PTPRD: variants seen among roughly 807,000 people sequenced by gnomAD.
PTPRD encodes the protein receptor-type tyrosine-protein phosphatase delta.
PTPRD carries 34 observed loss-of-function variants against 214.5 expected under a neutral mutation model. The observed-to-expected ratio is 0.16, with a 90% confidence interval of 0.12 to 0.21. PTPRD has a LOEUF of 0.21. PTPRD is among the 10% of genes least tolerant of loss of function. The probability of loss-of-function intolerance (pLI) is 1.00; values close to 1 mark genes in which losing one functional copy is unlikely to be tolerated. For missense variants in PTPRD, 2,545 were observed against 2,398.7 expected (o/e 1.06, Z -1.27); for synonymous variants, 1,128 against 845.7 (o/e 1.33, Z -5.79).
chr9:10,313,203 C>T (rs910220245), intron 3 of PTPRD, among the ~76,000 whole-genome samples: 2 of 151,782 alleles, frequency 1.3e-5, no homozygotes, highest in African/African-American at 4.8e-5. Context: ...CAATTCAGTC[C>T]AGGAAACCAT....
chr9:9,471,492 A>T (rs2094582980), intron 8 of PTPRD, among the ~76,000 whole-genome samples: 1 of 152,148 alleles, frequency 6.6e-6, no homozygotes. Context: ...CATTTCAAAT[A>T]AAAAAATGCT....
At chr9:8,590,247 A>T (rs1488437795) in intron 14 of PTPRD, among the ~76,000 whole-genome samples, 1 of 152,190 alleles carries the variant, frequency 6.6e-6, no homozygotes, top group Admixed American at 6.5e-5. Flanking sequence ...GAAAAAATGA[A>T]TGAAGTTCTA....
chr9:8,452,424 C>T (rs989172111), intron 33 of PTPRD, among the ~76,000 whole-genome samples: 2 of 152,044 alleles, frequency 1.3e-5, no homozygotes, highest in East Asian at 1.9e-4. Flanking sequence ...AGTTTTAAAA[C>T]GTTGTCATAA....
At chr9:9,872,810 C>T (rs921361561) in intron 5 of PTPRD, among the ~76,000 whole-genome samples, 5 of 152,062 alleles carry the variant, frequency 3.3e-5, no homozygotes, top group African/African-American at 1.2e-4. Context: ...AATGAAAAAC[C>T]TTCAAGAGAA....
intron 5 of PTPRD, among the ~76,000 whole-genome samples, chr9:9,887,560 A>G (rs1436184635): frequency 6.6e-6 from 1 of 152,164 alleles, no homozygotes; most frequent in Non-Finnish European, 1.5e-5. Context: ...TAGATGTTAA[A>G]CTTCCCTGTG....
intron 10 of PTPRD, among the ~76,000 whole-genome samples, chr9:9,051,187 T>C (rs530550906): frequency 4.7e-4 from 71 of 152,152 alleles, no homozygotes; most frequent in African/African-American, 1.5e-3. Context: ...TAAAAAATCA[T>C]GTACACCACA....
At chr9:9,351,172 C>A (rs191112016) in intron 9 of PTPRD, among the ~76,000 whole-genome samples, 57 of 152,080 alleles carry the variant, frequency 3.7e-4, no homozygotes, top group South Asian at 2.5e-3. Flanking sequence ...TAACAAGAAA[C>A]CAAATGTACA....
chr9:10,046,284 T>C lies in PTPRD; in HGVS notation c.-544-12494A>G, dbSNP rs74428337. ...TCAGTTATCCATACAATTTTTAAGA[T>C]TTCCCTGGGTAAAACACAACTGCAT... is the stretch of plus-strand genomic sequence containing the variant. On this transcript the variant is annotated intron_variant, in intron 3 of 45. Coordinates refer to ENST00000381196, the MANE Select transcript of PTPRD (RefSeq NM_002839.4). Among the ~76,000 whole-genome samples the C allele has an allele frequency of 4.0e-3, 601 of 151,934 alleles. 5 individuals carry two copies. Among genetic ancestry groups the C allele is most frequent in the African/African-American group, 0.013 (558 of 41,548 alleles).
intron 3 of PTPRD, among the ~76,000 whole-genome samples, chr9:10,180,293 A>G (rs943406984): frequency 2.6e-5 from 4 of 152,058 alleles, no homozygotes; most frequent in Admixed American, 6.6e-5. Context: ...AAAAGAAACA[A>G]TATGTCCACA....
chr9:8,833,905 T>C (rs1307160750), intron 11 of PTPRD, among the ~76,000 whole-genome samples: 1 of 131,258 alleles, frequency 7.6e-6, no homozygotes, highest in Non-Finnish European at 1.7e-5. Context: ...AACCAACTTA[T>C]GGATAAATGT....
chr9:8,804,731 C>A (rs1050064614), intron 11 of PTPRD, among the ~76,000 whole-genome samples: 1 of 151,952 alleles, frequency 6.6e-6, no homozygotes, highest in Non-Finnish European at 1.5e-5. Flanking sequence ...TCTAGTTCCA[C>A]AGACCTTGAT....
At chr9:9,606,021 C>T (rs7044621) in intron 7 of PTPRD, among the ~76,000 whole-genome samples, 4 of 151,796 alleles carry the variant, frequency 2.6e-5, no homozygotes, top group African/African-American at 9.7e-5. Context: ...TGATACTACA[C>T]AAAATGCTTC....
intron 12 of PTPRD, among the ~76,000 whole-genome samples, chr9:8,679,971 A>G (rs2097519929): frequency 6.6e-6 from 1 of 152,238 alleles, no homozygotes; most frequent in South Asian, 2.1e-4. Context: ...TTGGCCAGAA[A>G]GCAAATTAAT....
chr9:9,306,051 G>C (rs1195823349), intron 9 of PTPRD, among the ~76,000 whole-genome samples: 3 of 152,138 alleles, frequency 2.0e-5, no homozygotes, highest in Non-Finnish European at 4.4e-5. Context: ...CATAACACCA[G>C]TACAGAGTAC....
chr9:10,009,894 G>A (rs370464931), intron 4 of PTPRD, among the ~76,000 whole-genome samples: 20 of 152,030 alleles, frequency 1.3e-4, no homozygotes, highest in African/African-American at 4.6e-4. Flanking sequence ...TAAGACCTCT[G>A]TTTTAATGGT....
At chr9:9,270,805 G>T (rs1942559501) in intron 9 of PTPRD, among the ~76,000 whole-genome samples, 1 of 151,288 alleles carries the variant, frequency 6.6e-6, no homozygotes, top group South Asian at 2.1e-4. Context: ...CAGCAGAAAA[G>T]GTGGAGAAAA....
At chr9:8,447,634 T>C (rs1209412649) in intron 34 of PTPRD, among the ~76,000 whole-genome samples, 2 of 152,162 alleles carry the variant, frequency 1.3e-5, no homozygotes, top group Admixed American at 1.3e-4. Flanking sequence ...ACAGTTCCCA[T>C]TCTTGCTTTG....
chr9:9,291,239 T>G (rs1951044183), intron 9 of PTPRD, among the ~76,000 whole-genome samples: 1 of 151,436 alleles, frequency 6.6e-6, no homozygotes, highest in Admixed American at 6.6e-5. Context: ...TGATTTTTCA[T>G]CATACAGTAT....
intron 2 of PTPRD, among the ~76,000 whole-genome samples, chr9:10,495,603 G>A (rs2041819715): frequency 6.6e-6 from 1 of 151,640 alleles, no homozygotes; most frequent in South Asian, 2.1e-4. Context: ...GTAAGTTTTG[G>A]CAGTTATATA....
Sources: allele counts gnomAD v4.1 joint callset (sites outside exome capture counted in the v4.1 genomes callset), GRCh38; gene constraint gnomAD v4.1.1; transcripts MANE v1.5; gene names NCBI Gene and HGNC (gene_info 2026-07-23, HGNC 2026-07-21).